Variants in MTA3 observed in about 807,000 individuals in gnomAD.
MTA3 encodes metastasis associated 1 family member 3.
In MTA3, 34 loss-of-function variants were observed where a neutral mutation model predicts 83.5. The ratio of observed to expected loss-of-function variants is 0.41; its 90% CI spans 0.31 to 0.54. The LOEUF is 0.54. Among genes scored for constraint, MTA3 ranks in the 20% least tolerant of loss-of-function variants. The pLI is 0.33. For missense variants in MTA3, 761 were observed against 726.4 expected, an observed-to-expected ratio of 1.05 and a Z score of -0.55; for synonymous variants, 303 against 252.7, an observed-to-expected ratio of 1.20 and a Z score of -1.89.
In MTA3 at chr2:42,633,786, G is replaced by A. The variant is rs113231741; in HGVS notation, c.318-6387G>A. 3.6e-3 allele frequency among the ~76,000 whole-genome samples: 548 copies of A among 151,150 alleles called. 2 individuals carry two copies. Among genetic ancestry groups the A allele is most frequent in the African/African-American group, 0.012 (485 of 41,168 alleles). On this transcript the variant is annotated intron_variant, in intron 4 of 16. Coordinates refer to ENST00000405094, the MANE Select transcript of MTA3 (RefSeq NM_001330442.2). ...GCGGGCGCCTGTAGTCCCAGCTGGAGGCTGAGGCAGGAGAATGGCGTGTAC... is the reference window on the plus strand; with the variant it reads ...GCGGGCGCCTGTAGTCCCAGCTGGAAGCTGAGGCAGGAGAATGGCGTGTAC...
chr2:42,580,283 AT>A (rs1448364722), intron 3 of MTA3, among the ~76,000 whole-genome samples: 3 of 151,196 alleles, frequency 2.0e-5, no homozygotes, highest in East Asian at 2.0e-4. Context: ...GCCCAGCCAC[AT>A]TTTTCCCCCC....
At chr2:42,619,967 A>T (rs1411751549) in intron 4 of MTA3, among the ~76,000 whole-genome samples, 1 of 152,180 alleles carries the variant, frequency 6.6e-6, no homozygotes, top group African/African-American at 2.4e-5. Flanking sequence ...AAAGTAGTAT[A>T]ATTTATTAGC....
chr2:42,674,915 CT>C (rs1297946154), intron 8 of MTA3, among the ~76,000 whole-genome samples: 43 of 146,256 alleles, frequency 2.9e-4, no homozygotes, highest in Non-Finnish European at 2.3e-4. Context: ...TTCTTTCTTT[CT>C]TTTTTTTTTA....
chr2:42,661,742 A>G lies in MTA3; in HGVS notation c.702+1880A>G, dbSNP rs772630146. 2.4e-4 allele frequency among the ~76,000 whole-genome samples: 37 copies of G among 152,090 alleles called. 1 individual carries two copies. Among genetic ancestry groups the G allele is most frequent in the Admixed American group, 5.9e-4 (9 of 15,256 alleles). ...TTTTGTTTTCTTTAAGCCCTTTTTT[A>G]TGCATTATACATAATAATAGCAAAT... On this transcript the variant is annotated intron_variant, in intron 8 of 16. Coordinates refer to ENST00000405094, the MANE Select transcript of MTA3 (RefSeq NM_001330442.2).
chr2:42,590,634 T>TTTTTG (rs1553351759), intron 3 of MTA3, among the ~76,000 whole-genome samples: 1 of 16,614 alleles, frequency 6.0e-5, no homozygotes, highest in Non-Finnish European at 1.3e-4. Flanking sequence ...TTTTTTTTTG[T>TTTTTG]GAGGTGGAGT....
At position 42,650,781 on chromosome 2, in the gene MTA3, A is replaced by G. The variant is rs532184536; in HGVS notation, c.500-5419A>G. Among the ~76,000 whole-genome samples, 6 of 152,286 alleles carry G rather than the reference A, an allele frequency of 3.9e-5. No homozygotes were observed. The South Asian group carries it at 1.2e-3, about 32-fold the overall frequency. On this transcript the variant is annotated intron_variant, in intron 6 of 16. Transcript: ENST00000405094. ...CAACATTGTTTTGATTACTGTTGCC[A>G]TATATTGTAATCTTATCCAGTTGAG...
chr2:42,598,553 C>A (rs577025908), intron 3 of MTA3, among the ~76,000 whole-genome samples: 32 of 152,300 alleles, frequency 2.1e-4, no homozygotes, highest in South Asian at 2.1e-3. Context: ...GGTCACCTAA[C>A]TGGATTAGTA....
intron 2 of MTA3, among the ~76,000 whole-genome samples, chr2:42,562,204 C>G (rs1677703409): frequency 6.6e-6 from 1 of 152,156 alleles, no homozygotes; most frequent in African/African-American, 2.4e-5. Flanking sequence ...TCAGGATAAT[C>G]TCATCTTGAG....
intron 3 of MTA3, among the ~76,000 whole-genome samples, chr2:42,602,228 C>T (rs936647585): frequency 3.9e-5 from 6 of 152,102 alleles, no homozygotes; most frequent in Admixed American, 6.6e-5. Context: ...CCACCTGCCT[C>T]GGCCTCCTGA....
chr2:42,751,206 C>CA (rs531808029), intron 16 of MTA3, among the ~76,000 whole-genome samples: 67 of 152,270 alleles, frequency 4.4e-4, no homozygotes, highest in African/African-American at 1.4e-3. Context: ...CCATGGACTT[C>CA]AAGTACTTCT....
At chr2:42,666,367 G>T (rs1690233976) in intron 8 of MTA3, among the ~76,000 whole-genome samples, 1 of 152,148 alleles carries the variant, frequency 6.6e-6, no homozygotes, top group Non-Finnish European at 1.5e-5. Flanking sequence ...TGCATGTAGG[G>T]TTAAAACTTA....
At chr2:42,529,153 A>G (rs1438105944) in intron 2 of MTA3, among the ~76,000 whole-genome samples, 3 of 152,178 alleles carry the variant, frequency 2.0e-5, no homozygotes, top group African/African-American at 7.2e-5. Context: ...GAGCCATTTA[A>G]AAAAACAATA....
At position 42,710,423 on chromosome 2, in the gene MTA3, C is replaced by T. The variant is rs556119176; in HGVS notation, c.1525+1327C>T. 4.6e-5 allele frequency among the ~76,000 whole-genome samples: 7 copies of T among 151,816 alleles called. No individual in the cohort carries two copies. In the East Asian group the frequency reaches 5.8e-4, roughly 13 times the overall value. On this transcript the variant is annotated intron_variant, in intron 14 of 16. Transcript: ENST00000405094. ...AAAATTAGCCAGGCGTGGTGGCAGG[C>T]GCCTGTAATCCCAGCTACTCAGGAG... is the stretch of plus-strand genomic sequence containing the variant.
chr2:42,570,581 C>T (rs1678351251), intron 2 of MTA3, 77 bp downstream of exon 2: 2 of 836,900 alleles, frequency 2.4e-6, no homozygotes, highest in African/African-American at 1.7e-5. Context: ...AAAGGGTGGC[C>T]TGGTGTGGGG....
chr2:42,601,284 G>A (rs1362471259), intron 3 of MTA3, among the ~76,000 whole-genome samples: 2 of 152,214 alleles, frequency 1.3e-5, no homozygotes, highest in African/African-American at 4.8e-5. Context: ...ATGTTTGGTT[G>A]TTGCATCTGT....
In MTA3 at chr2:42,606,283, G is replaced by T. The variant is rs1184017936; in HGVS notation, c.191-3175G>T. ...CCAGATGGGGTGGCTGCCGGGCGGA[G>T]ACGCTCCTCACTTCCCAGATCGGGT... On this transcript the variant is annotated intron_variant, in intron 3 of 16. Coordinates refer to ENST00000405094, the MANE Select transcript of MTA3 (RefSeq NM_001330442.2). 1.4e-5 allele frequency among the ~76,000 whole-genome samples: 2 copies of T among 147,872 alleles called. 1 individual carries two copies. The highest frequency in any genetic ancestry group is 3.0e-5 in the Non-Finnish European group (2 of 66,150).
At chr2:42,710,608 G>T (rs1000727873) in intron 14 of MTA3, among the ~76,000 whole-genome samples, 43 of 151,572 alleles carry the variant, frequency 2.8e-4, no homozygotes, top group Non-Finnish European at 5.7e-4. Context: ...CCCACAGAAG[G>T]GGGATTACTA....
chr2:42,683,513 G>A (rs1430023052), intron 9 of MTA3, among the ~76,000 whole-genome samples: 2 of 152,078 alleles, frequency 1.3e-5, no homozygotes, highest in African/African-American at 4.8e-5. Flanking sequence ...CGTTTATTGT[G>A]CACTTCATTT....
chr2:42,734,406 A>G (rs983299717), intron 16 of MTA3, among the ~76,000 whole-genome samples: 20 of 70,874 alleles, frequency 2.8e-4, no homozygotes, highest in African/African-American at 7.2e-4. Context: ...CCATCCCTTT[A>G]CTTTGTTTCT....
Sources: allele counts gnomAD v4.1 joint callset (sites outside exome capture counted in the v4.1 genomes callset), GRCh38; gene constraint gnomAD v4.1.1; transcripts MANE v1.5; gene names NCBI Gene and HGNC (gene_info 2026-07-23, HGNC 2026-07-21).